The following MRM1 variants were observed in gnomAD, a reference collection of about 807,000 sequenced individuals.
The protein encoded by MRM1 is rRNA methyltransferase 1, mitochondrial.
In MRM1, 24 loss-of-function variants were observed where a neutral mutation model predicts 25.0. The observed-to-expected ratio is 0.96, with a 90% confidence interval of 0.69 to 1.35. The LOEUF is 1.35. MRM1 is among the 40% of genes most tolerant of loss of function. MRM1 has a pLI of 0.00. For missense variants in MRM1, 431 were observed against 464.1 expected (o/e 0.93, Z 0.65); for synonymous variants, 188 against 199.2 (o/e 0.94, Z 0.47).
At chr17:36,603,161 G>T in intron 2 of MRM1, 5 of 984,922 alleles carry the variant, frequency 5.1e-6, no homozygotes, top group Non-Finnish European at 6.0e-6. Flanking sequence ...AATCCCCTCT[G>T]ACCATACCCC....
intron 2 of MRM1, among the ~76,000 whole-genome samples, chr17:36,605,232 A>G (rs2074918449): frequency 1.3e-5 from 2 of 151,602 alleles, no homozygotes; most frequent in African/African-American, 4.8e-5. Flanking sequence ...ACAGCTCAGT[A>G]TAGCCTCCGA....
the MRM1 span, among the ~76,000 whole-genome samples, chr17:36,629,321 AG>A: frequency 6.6e-6 from 1 of 152,170 alleles, no homozygotes; most frequent in Non-Finnish European, 1.5e-5. Context: ...ACACTATGTC[AG>A]AAGTCTAGAT....
intron 2 of MRM1, chr17:36,603,224 G>T (rs2074897488): frequency 1.0e-6 from 1 of 985,082 alleles, no homozygotes; most frequent in Non-Finnish European, 1.2e-6. Flanking sequence ...TAAGAAGGGG[G>T]AGAGCTCTGG....
At chr17:36,620,132 T>C in the MRM1 span, among the ~76,000 whole-genome samples, 2 of 152,224 alleles carry the variant, frequency 1.3e-5, no homozygotes, top group Non-Finnish European at 2.9e-5. Flanking sequence ...TAGTATTCTC[T>C]CCCATTGTGT....
chr17:36,620,057 C>T, the MRM1 span, among the ~76,000 whole-genome samples: 1 of 152,014 alleles, frequency 6.6e-6, no homozygotes, highest in African/African-American at 2.4e-5. Context: ...TACTTTTTTG[C>T]TATTGAGTTG....
rs559027497 is a variant in MRM1 at position 36,607,925 on chromosome 17, G to A, written c.796G>A (p.Glu266Lys). 1.3e-5 allele frequency: 21 copies of A among 1,614,130 alleles called. No homozygotes were observed. In the South Asian group the frequency reaches 2.2e-4, roughly 17 times the overall value. ...LGNEGSGLSQ[E>K]VQASCQLLLT... ...GAATGAGGGCTCAGGTCTATCCCAGGAGGTGCAGGCCTCCTGCCAGCTTCT... is the reference window on the plus strand; with the variant it reads ...GAATGAGGGCTCAGGTCTATCCCAGAAGGTGCAGGCCTCCTGCCAGCTTCT... Residue 266 changes from glutamate to lysine, a missense_variant, in exon 4 of 5, where the codon GAG becomes AAG. Physicochemically the swap from Glu to Lys is moderately conservative, Grantham distance 56 (BLOSUM62 1). Coordinates refer to ENST00000614766, the MANE Select transcript of MRM1 (RefSeq NM_024864.5).
At chr17:36,621,935 C>T in the MRM1 span, among the ~76,000 whole-genome samples, 1 of 152,124 alleles carries the variant, frequency 6.6e-6, no homozygotes, top group Non-Finnish European at 1.5e-5. Context: ...TTGTGTGTAT[C>T]TCTGTGGTGT....
At chr17:36,631,634 T>C in the MRM1 span, among the ~76,000 whole-genome samples, 1 of 152,216 alleles carries the variant, frequency 6.6e-6, no homozygotes, top group Non-Finnish European at 1.5e-5. Context: ...TTGCAGGCCG[T>C]CTGAGCTCAG....
chr17:36,606,890 C>G (rs1056338742), intron 2 of MRM1, among the ~76,000 whole-genome samples: 1 of 145,786 alleles, frequency 6.9e-6, no homozygotes, highest in African/African-American at 2.6e-5. Flanking sequence ...GGATTACAGG[C>G]GTGAGCTACT....
Position 36,601,975 on chromosome 17 carries a change from G to C in MRM1, c.165G>C (p.Met55Ile), listed in dbSNP as rs374159548. 5.6e-6 allele frequency: 9 copies of C among 1,612,548 alleles called. No individual in the cohort carries two copies. The highest frequency in any genetic ancestry group is 7.6e-6 in the Non-Finnish European group (9 of 1,179,762). The change falls in exon 1 of 5, where the codon ATG (methionine) becomes ATC (isoleucine). Residue 55 changes from methionine to isoleucine, a missense_variant. Physicochemically the swap from Met to Ile is conservative, Grantham distance 10. Transcript: ENST00000614766. ...PTSRLELLFG[M>I]TPCLLALQAA... ...CTCGGCTGGAGCTTCTGTTTGGCATGACCCCGTGTCTCCTGGCTCTGCAGG... is the reference window on the plus strand; with the variant it reads ...CTCGGCTGGAGCTTCTGTTTGGCATCACCCCGTGTCTCCTGGCTCTGCAGG...
rs1024276806 is a variant in MRM1, at chr17:36,608,096, C to T, written c.889+78C>T. 5.1e-6 allele frequency: 8 copies of T among 1,559,828 alleles called. No individual in the cohort carries two copies. In the African/African-American group the frequency reaches 1.1e-4, roughly 21 times the overall value. On this transcript the variant is annotated intron_variant, in intron 4 of 4. Coordinates refer to ENST00000614766, the MANE Select transcript of MRM1 (RefSeq NM_024864.5). ...ATTTGATGCCCTCTAATCCCATTTG[C>T]TGGCTGTTTGTGTGCCTCAGTTGCT...
the MRM1 span, among the ~76,000 whole-genome samples, chr17:36,627,968 G>A: frequency 4.7e-3 from 716 of 152,058 alleles, 5 homozygotes; most frequent in African/African-American, 0.012. Flanking sequence ...GAGCCACTGC[G>A]CCCAGCCTGG....
the MRM1 span, among the ~76,000 whole-genome samples, chr17:36,631,063 G>A: frequency 9.8e-5 from 15 of 152,346 alleles, no homozygotes; most frequent in Admixed American, 9.8e-4. Flanking sequence ...CCCACGGGAT[G>A]ACCATGAATG....
At chr17:36,623,457 C>T in the MRM1 span, among the ~76,000 whole-genome samples, 2 of 152,250 alleles carry the variant, frequency 1.3e-5, no homozygotes, top group Non-Finnish European at 2.9e-5. Flanking sequence ...GGGGTGTGCT[C>T]GAGGTTTCTG....
chr17:36,622,981 C>T, the MRM1 span, among the ~76,000 whole-genome samples: 1 of 152,362 alleles, frequency 6.6e-6, no homozygotes, highest in East Asian at 1.9e-4. Flanking sequence ...AATTGGCCCT[C>T]CAAGCCCTGG....
chr17:36,613,660 G>A (rs1189516504), downstream of MRM1, among the ~76,000 whole-genome samples: 2 of 152,196 alleles, frequency 1.3e-5, no homozygotes, highest in South Asian at 2.1e-4. Flanking sequence ...GAGGCTTGGC[G>A]GCAAGGCCAG....
chr17:36,615,222 G>C, the MRM1 span, among the ~76,000 whole-genome samples: 1 of 152,206 alleles, frequency 6.6e-6, no homozygotes, highest in Non-Finnish European at 1.5e-5. Context: ...GGGAGGAGGG[G>C]CTGGGCCTGT....
the MRM1 span, among the ~76,000 whole-genome samples, chr17:36,614,348 C>T: frequency 6.6e-6 from 1 of 152,116 alleles, no homozygotes; most frequent in African/African-American, 2.4e-5. Flanking sequence ...GGCCTCCTAC[C>T]CAGCCCAGAG....
the MRM1 span, among the ~76,000 whole-genome samples, chr17:36,625,383 C>T: frequency 2.6e-5 from 4 of 151,168 alleles, no homozygotes; most frequent in South Asian, 2.1e-4. Flanking sequence ...TCTTCCTCTT[C>T]GCTCTTCGTC....
Sources: gnomAD v4.1 joint callset for allele counts (sites outside exome capture counted in the v4.1 genomes callset) on GRCh38, gnomAD v4.1.1 for gene constraint, MANE v1.5 for transcripts, NCBI Gene and HGNC (gene_info 2026-07-23, HGNC 2026-07-21) for gene names.